LRRN2: variants seen among roughly 807,000 people sequenced by gnomAD.
LRRN2 encodes leucine rich repeat neuronal 2, also known as leucine-rich repeat neuronal protein 2.
LRRN2 carries 10 observed loss-of-function variants against 35.7 expected under a neutral mutation model. The ratio of observed to expected loss-of-function variants is 0.28; its 90% CI spans 0.17 to 0.47. The LOEUF is 0.47. Among genes scored for constraint, LRRN2 ranks in the 20% least tolerant of loss-of-function variants. LRRN2 has a pLI of 0.99. For synonymous variants in LRRN2, 391 were observed against 409.6 expected, an observed-to-expected ratio of 0.95 and a Z score of 0.55; for missense variants, 731 against 940.3, an observed-to-expected ratio of 0.78 and a Z score of 2.91.
At chr1:204,675,488 G>T (rs908775164) in intron 1 of LRRN2, among the ~76,000 whole-genome samples, 1 of 152,170 alleles carries the variant, frequency 6.6e-6, no homozygotes, top group South Asian at 2.1e-4. Context: ...TCTAGAGGCT[G>T]CCCACAGGCC....
chr1:204,647,340 T>G (rs1265785987), intron 1 of LRRN2, among the ~76,000 whole-genome samples: 1 of 152,194 alleles, frequency 6.6e-6, no homozygotes, highest in African/African-American at 2.4e-5. Context: ...GTTACCCACA[T>G]CTGTCAGCTA....
intron 1 of LRRN2, among the ~76,000 whole-genome samples, chr1:204,624,755 ACCCCCC>A (rs11306645): frequency 1.9e-5 from 2 of 107,608 alleles, no homozygotes; most frequent in Middle Eastern, 5.2e-3. Context: ...TTCCCCCCCC[ACCCCCC>A]CCCCCGGGAG....
intron 1 of LRRN2, among the ~76,000 whole-genome samples, chr1:204,674,646 C>T (rs921741660): frequency 1.3e-5 from 2 of 152,214 alleles, no homozygotes; most frequent in Non-Finnish European, 2.9e-5. Flanking sequence ...ATAAGCTTCA[C>T]GAGGGCAGGT....
At position 204,625,489 on chromosome 1, in the gene LRRN2, G is replaced by A. The variant is rs142028761; in HGVS notation, c.-226-5271C>T. On this transcript the variant is annotated intron_variant, in intron 1 of 1. Transcript: ENST00000367177. ...TATTGTTGAGGTATAACATATGTACGGGAGAATACATAAATGTCCCTGATC... is the reference window on the plus strand; with the variant it reads ...TATTGTTGAGGTATAACATATGTACAGGAGAATACATAAATGTCCCTGATC... Among the ~76,000 whole-genome samples, 62 of 146,874 alleles carry A rather than the reference G, an allele frequency of 4.2e-4. 1 individual carries two copies. The highest frequency in any genetic ancestry group is 1.4e-3 in the African/African-American group (57 of 41,178).
chr1:204,618,262 C>G lies in LRRN2; in HGVS notation c.1731G>C (p.Arg577=). ...QGATALARLP[R]GTHSYNITRL... is the part of the protein sequence containing the mutation. ...GGGTAATGTTGTAGCTGTGGGTTCC[C>G]CGAGGCAGGCGGGCCAGAGCTGTGG... is the stretch of plus-strand genomic sequence containing the variant. The change falls in exon 2 of 2, where the codon CGG becomes CGC. Residue 577 remains arginine (R), a synonymous_variant. Transcript: ENST00000367177. 6.2e-7 allele frequency: 1 copy of G among 1,610,494 alleles called. No homozygotes were observed. The highest frequency in any genetic ancestry group is 8.5e-7 in the Non-Finnish European group (1 of 1,178,062).
chr1:204,649,822 T>C, intron 1 of LRRN2, among the ~76,000 whole-genome samples: 1 of 152,006 alleles, frequency 6.6e-6, no homozygotes, highest in East Asian at 1.9e-4. Context: ...CTCCCCACCA[T>C]GGCAGTAGGG....
intron 1 of LRRN2, among the ~76,000 whole-genome samples, chr1:204,669,746 G>A (rs959823643): frequency 1.3e-5 from 2 of 152,326 alleles, no homozygotes; most frequent in Admixed American, 6.5e-5. Flanking sequence ...AGCAGTCAGA[G>A]CTGAAAAAGG....
intron 1 of LRRN2, among the ~76,000 whole-genome samples, chr1:204,657,795 GT>G (rs1276337833): frequency 6.6e-6 from 1 of 151,916 alleles, no homozygotes; most frequent in African/African-American, 2.4e-5. Context: ...GTATAATGTC[GT>G]CTCTCAACTC....
chr1:204,657,161 C>T (rs1158520784), intron 1 of LRRN2, among the ~76,000 whole-genome samples: 3 of 152,002 alleles, frequency 2.0e-5, no homozygotes, highest in Non-Finnish European at 4.4e-5. Flanking sequence ...AAAAATTAGC[C>T]GGGTGTGGTG....
chr1:204,662,753 G>C (rs1354560248), intron 1 of LRRN2, among the ~76,000 whole-genome samples: 1 of 152,190 alleles, frequency 6.6e-6, no homozygotes, highest in African/African-American at 2.4e-5. Flanking sequence ...ATACACATTT[G>C]ATGAGTAACT....
At chr1:204,638,431 A>ATTTTTT (rs1667894835) in intron 1 of LRRN2, among the ~76,000 whole-genome samples, 10 of 11,462 alleles carry the variant, frequency 8.7e-4, no homozygotes, top group Non-Finnish European at 1.3e-3. Flanking sequence ...TTTTTTTTTG[A>ATTTTTT]GACGGAGTCT....
intron 1 of LRRN2, among the ~76,000 whole-genome samples, chr1:204,657,473 C>G (rs1190996963): frequency 1.3e-5 from 2 of 152,056 alleles, no homozygotes; most frequent in Non-Finnish European, 2.9e-5. Flanking sequence ...TGGAAGATGC[C>G]AGACACAAAG....
At chr1:204,631,742 T>C (rs1177976292) in intron 1 of LRRN2, among the ~76,000 whole-genome samples, 1 of 151,998 alleles carries the variant, frequency 6.6e-6, no homozygotes, top group Non-Finnish European at 1.5e-5. Flanking sequence ...AGGCCAGTAA[T>C]GCATAGATAG....
intron 1 of LRRN2, among the ~76,000 whole-genome samples, chr1:204,678,473 C>T (rs1267719351): frequency 1.3e-5 from 2 of 152,108 alleles, no homozygotes; most frequent in Non-Finnish European, 2.9e-5. Context: ...CAAATCATGC[C>T]GCCCCAGGCT....
intron 1 of LRRN2, among the ~76,000 whole-genome samples, chr1:204,637,630 T>A (rs1667865087): frequency 6.6e-6 from 1 of 151,472 alleles, no homozygotes; most frequent in African/African-American, 2.4e-5. Context: ...AGAGTCTGCC[T>A]ATTGCAGCAC....
At chr1:204,675,901 C>G (rs1357567333) in intron 1 of LRRN2, among the ~76,000 whole-genome samples, 1 of 152,236 alleles carries the variant, frequency 6.6e-6, no homozygotes, top group Non-Finnish European at 1.5e-5. Flanking sequence ...TGCAGAGGAA[C>G]TCTGGGTCTG....
At chr1:204,630,493 C>T (rs1163396797) in intron 1 of LRRN2, among the ~76,000 whole-genome samples, 1 of 151,762 alleles carries the variant, frequency 6.6e-6, no homozygotes, top group Non-Finnish European at 1.5e-5. Flanking sequence ...ATTTCATCAG[C>T]GGGTTTGCCA....
chr1:204,668,541 G>C (rs998702666), intron 1 of LRRN2, among the ~76,000 whole-genome samples: 1 of 152,186 alleles, frequency 6.6e-6, no homozygotes, highest in Non-Finnish European at 1.5e-5. Flanking sequence ...GTTGCAGTGA[G>C]CCAAGATCAC....
At chr1:204,620,250 T>C in intron 1 of LRRN2, 32 bp from the exon 2 acceptor site, 2 of 1,394,566 alleles carry the variant, frequency 1.4e-6, no homozygotes, top group South Asian at 3.3e-5. Context: ...TTAAGGAGGT[T>C]GCAGAGAAGC....
Sources: gnomAD v4.1 joint callset for allele counts (sites outside exome capture counted in the v4.1 genomes callset) on GRCh38, gnomAD v4.1.1 for gene constraint, MANE v1.5 for transcripts, NCBI Gene and HGNC (gene_info 2026-07-23, HGNC 2026-07-21) for gene names.